The following PTPRR variants were observed in gnomAD, a reference collection of about 807,000 sequenced individuals.
PTPRR encodes the protein receptor-type tyrosine-protein phosphatase R.
A neutral mutation model predicts 77.2 loss-of-function variants in PTPRR; 38 were observed. The ratio of observed to expected loss-of-function variants is 0.49; its 90% CI spans 0.38 to 0.65. The LOEUF (loss-of-function observed/expected upper bound fraction) is 0.65. PTPRR is among the 30% of genes least tolerant of loss of function. PTPRR has a pLI of 0.00. For synonymous variants in PTPRR, 299 were observed against 283.1 expected, an observed-to-expected ratio of 1.06 and a Z score of -0.57; for missense variants, 744 against 799.2, an observed-to-expected ratio of 0.93 and a Z score of 0.83.
chr12:70,707,705 G>A (rs2136803170), intron 6 of PTPRR, among the ~76,000 whole-genome samples: 1 of 152,136 alleles, frequency 6.6e-6, no homozygotes, highest in Non-Finnish European at 1.5e-5. Context: ...GGCACTCGCA[G>A]TGTGGAAGAG....
At chr12:70,735,985 T>G (rs1486633622) in intron 6 of PTPRR, among the ~76,000 whole-genome samples, 3 of 152,142 alleles carry the variant, frequency 2.0e-5, no homozygotes, top group African/African-American at 7.2e-5. Flanking sequence ...ACACACACAA[T>G]GAAGTGGGCG....
At chr12:70,888,525 C>CTT (rs1893280710) in intron 2 of PTPRR, among the ~76,000 whole-genome samples, 1 of 152,228 alleles carries the variant, frequency 6.6e-6, no homozygotes, top group South Asian at 2.1e-4. Context: ...TCTCTTAGGG[C>CTT]TTTATATGCA....
chr12:70,678,048 CT>C (rs556084401), intron 10 of PTPRR, among the ~76,000 whole-genome samples: 6 of 149,280 alleles, frequency 4.0e-5, no homozygotes, highest in East Asian at 2.0e-4. Flanking sequence ...CAATGGGATA[CT>C]TTTTTTTTTG....
intron 2 of PTPRR, among the ~76,000 whole-genome samples, chr12:70,778,690 T>G (rs898157017): frequency 3.9e-5 from 6 of 152,076 alleles, no homozygotes; most frequent in Admixed American, 1.3e-4. Flanking sequence ...TCAATTTCTC[T>G]AATGTTTTTT....
In PTPRR at chr12:70,689,672, C is replaced by T. The variant is rs76785958; in HGVS notation, c.1280-4889G>A. Among the ~76,000 whole-genome samples, 1,128 of 152,288 alleles carry T rather than the reference C, an allele frequency of 7.4e-3. 6 individuals carry two copies. Among genetic ancestry groups the T allele is most frequent in the South Asian group, 0.016 (75 of 4,816 alleles). The stretch of plus-strand genomic sequence containing the variant: ...GAGCAAACAACATTTATTGCACACT[C>T]TCCACCAAGAATCTCATGGAGGAGG... On this transcript the variant is annotated intron_variant, in intron 8 of 13. Coordinates refer to ENST00000283228, the MANE Select transcript of PTPRR (RefSeq NM_002849.4).
chr12:70,916,107 G>T (rs1320122575), intron 1 of PTPRR, among the ~76,000 whole-genome samples: 2 of 152,154 alleles, frequency 1.3e-5, no homozygotes, highest in Non-Finnish European at 1.5e-5. Flanking sequence ...GGAAAGAAAA[G>T]TTAGGCAGGG....
At chr12:70,846,418 T>C (rs1431658670) in intron 2 of PTPRR, among the ~76,000 whole-genome samples, 1 of 152,090 alleles carries the variant, frequency 6.6e-6, no homozygotes, top group Non-Finnish European at 1.5e-5. Flanking sequence ...CTGGCATGGG[T>C]AGGCACTTAA....
intron 2 of PTPRR, among the ~76,000 whole-genome samples, chr12:70,800,897 T>TAA (rs201965125): frequency 6.9e-4 from 82 of 118,042 alleles, no homozygotes; most frequent in African/African-American, 2.2e-3. Flanking sequence ...CTCCATCTCA[T>TAA]AAAAAAAAAA....
chr12:70,847,061 G>A (rs1892497044), intron 2 of PTPRR, among the ~76,000 whole-genome samples: 2 of 152,114 alleles, frequency 1.3e-5, no homozygotes, highest in African/African-American at 2.4e-5. Context: ...ACTCAATGAT[G>A]GAAGACTAAC....
chr12:70,753,691 TA>T (rs1327102019), intron 5 of PTPRR, among the ~76,000 whole-genome samples: 7 of 152,236 alleles, frequency 4.6e-5, no homozygotes, highest in African/African-American at 1.7e-4. Flanking sequence ...GTAGTCTACC[TA>T]ACTTAGCCTT....
chr12:70,672,181 GC>G, intron 10 of PTPRR: 2 of 1,544,744 alleles, frequency 1.3e-6, no homozygotes, highest in Non-Finnish European at 8.9e-7. Context: ...GTGCCCAGTT[GC>G]CAGTCCTACC....
At chr12:70,759,690 A>AAC in intron 4 of PTPRR, among the ~76,000 whole-genome samples, 1 of 149,574 alleles carries the variant, frequency 6.7e-6, no homozygotes, top group South Asian at 2.1e-4. Flanking sequence ...AAAAAAAAAA[A>AAC]AAAAAAAAAA....
intron 1 of PTPRR, among the ~76,000 whole-genome samples, chr12:70,907,878 C>T (rs1232646389): frequency 6.6e-6 from 1 of 152,142 alleles, no homozygotes; most frequent in African/African-American, 2.4e-5. Flanking sequence ...GACTATCAAA[C>T]TACACCCTCT....
At chr12:70,756,255 C>T (rs1890560560) in intron 4 of PTPRR, among the ~76,000 whole-genome samples, 1 of 150,148 alleles carries the variant, frequency 6.7e-6, no homozygotes, top group Non-Finnish European at 1.5e-5. Flanking sequence ...TTAACTCCCA[C>T]CCTCCCATCC....
intron 6 of PTPRR, among the ~76,000 whole-genome samples, chr12:70,718,191 A>G (rs979769593): frequency 2.0e-5 from 3 of 152,186 alleles, no homozygotes; most frequent in Non-Finnish European, 4.4e-5. Flanking sequence ...CATTTGAGAC[A>G]ACAAAGTATT....
intron 2 of PTPRR, among the ~76,000 whole-genome samples, chr12:70,767,653 C>A (rs1222337473): frequency 2.0e-5 from 3 of 152,138 alleles, no homozygotes; most frequent in African/African-American, 7.2e-5. Flanking sequence ...TTCAGCTCTG[C>A]ACCAAGCAGA....
At chr12:70,829,389 G>A (rs1249265274) in intron 2 of PTPRR, among the ~76,000 whole-genome samples, 1 of 152,142 alleles carries the variant, frequency 6.6e-6, no homozygotes, top group Non-Finnish European at 1.5e-5. Flanking sequence ...TTTGCCCTGG[G>A]ATTTCTAGGC....
chr12:70,880,597 A>C (rs1893132791), intron 2 of PTPRR, among the ~76,000 whole-genome samples: 1 of 152,182 alleles, frequency 6.6e-6, no homozygotes, highest in Admixed American at 6.5e-5. Flanking sequence ...AATATAAACT[A>C]CACAGCTGCA....
intron 10 of PTPRR, among the ~76,000 whole-genome samples, chr12:70,678,132 C>T (rs1056444816): frequency 6.6e-5 from 10 of 152,154 alleles, no homozygotes; most frequent in African/African-American, 2.4e-4. Context: ...CCTCCCAGTC[C>T]CGGGTTCAAG....
Sources: gnomAD v4.1 joint callset for allele counts (sites outside exome capture counted in the v4.1 genomes callset) on GRCh38, gnomAD v4.1.1 for gene constraint, MANE v1.5 for transcripts, NCBI Gene and HGNC (gene_info 2026-07-23, HGNC 2026-07-21) for gene names.